Variants in ESRP1 observed in about 807,000 individuals in gnomAD.
ESRP1 encodes the protein epithelial splicing regulatory protein 1, also known as RNA-binding motif protein 35A.
A neutral mutation model predicts 81.7 loss-of-function variants in ESRP1; 33 were observed. That is an observed-to-expected ratio of 0.40 (90% confidence interval 0.31 to 0.54). The LOEUF is 0.54. ESRP1 is among the 20% of genes least tolerant of loss of function. The probability of loss-of-function intolerance (pLI) is 0.41; values close to 1 mark genes in which losing one functional copy is unlikely to be tolerated. For missense variants in ESRP1, 672 were observed against 833.1 expected (o/e 0.81, Z 2.38); for synonymous variants, 320 against 303.3 (o/e 1.06, Z -0.57).
At chr8:94,664,141 T>TTTTTTTTTTTTTTG (rs138058879) in intron 6 of ESRP1, among the ~76,000 whole-genome samples, 2 of 124,590 alleles carry the variant, frequency 1.6e-5, no homozygotes, top group African/African-American at 2.7e-5. Context: ...TTTTTTTTTT[T>TTTTTTTTTTTTTTG]GAGAGGGAGT....
At chr8:94,648,361 C>T (rs534911278) in intron 4 of ESRP1, among the ~76,000 whole-genome samples, 10 of 152,278 alleles carry the variant, frequency 6.6e-5, no homozygotes, top group Non-Finnish European at 1.5e-4. Flanking sequence ...TTCTTAGCAA[C>T]GGTTTTTATG....
chr8:94,652,290 C>A (rs114062492), intron 4 of ESRP1, among the ~76,000 whole-genome samples: 3,318 of 152,124 alleles, frequency 0.022, 92 homozygotes, highest in African/African-American at 0.071. Context: ...GCCTGGCCCT[C>A]AACACATTTC....
At chr8:94,670,950 A>C (rs1325808705) in intron 10 of ESRP1, among the ~76,000 whole-genome samples, 2 of 152,154 alleles carry the variant, frequency 1.3e-5, no homozygotes, top group East Asian at 3.8e-4. Flanking sequence ...TTGGCCTGTG[A>C]TTCTTTTACT....
chr8:94,647,445 T>C (rs1339834889), intron 4 of ESRP1, among the ~76,000 whole-genome samples: 3 of 152,210 alleles, frequency 2.0e-5, no homozygotes, highest in African/African-American at 2.4e-5. Flanking sequence ...AAATTTACTT[T>C]CTCACAGTTC....
At chr8:94,667,198 A>G (rs1819067897) in intron 9 of ESRP1, among the ~76,000 whole-genome samples, 1 of 149,062 alleles carries the variant, frequency 6.7e-6, no homozygotes, top group East Asian at 2.0e-4. Flanking sequence ...AGCCTAGGAG[A>G]CAGAGTGAAA....
chr8:94,668,071 A>G lies in ESRP1; in HGVS notation c.1054A>G (p.Ile352Val), dbSNP rs1156941847. Residue 352 changes from isoleucine to valine, a missense_variant, in exon 10 of 16, where the codon ATT becomes GTT. Transcript: ENST00000433389. ...VVAFFGQHCP[I>V]TGGKEGILFV... ...GGCCTTCTTTGGACAGCATTGCCCTATTACTGGGGGAAAGGAAGGCATCCT... is the reference window on the plus strand; with the variant it reads ...GGCCTTCTTTGGACAGCATTGCCCTGTTACTGGGGGAAAGGAAGGCATCCT... 1.2e-6 allele frequency: 2 copies of G among 1,613,960 alleles called. No individual in the cohort carries two copies. Among genetic ancestry groups the G allele is most frequent in the South Asian group, 1.1e-5 (1 of 91,082 alleles).
At chr8:94,650,595 A>G (rs1480261584) in intron 4 of ESRP1, among the ~76,000 whole-genome samples, 1 of 152,214 alleles carries the variant, frequency 6.6e-6, no homozygotes, top group Non-Finnish European at 1.5e-5. Context: ...TTATCCAAAC[A>G]TGGTTTGTTT....
At chr8:94,687,215 T>C (rs953225278) in intron 13 of ESRP1, among the ~76,000 whole-genome samples, 1 of 152,184 alleles carries the variant, frequency 6.6e-6, no homozygotes, top group African/African-American at 2.4e-5. Flanking sequence ...TCTATTTCTA[T>C]AGATTTTCCT....
At chr8:94,657,730 T>C (rs975525977) in intron 4 of ESRP1, among the ~76,000 whole-genome samples, 1 of 152,228 alleles carries the variant, frequency 6.6e-6, no homozygotes, top group African/African-American at 2.4e-5. Context: ...AGTCTATTTC[T>C]AACCAGGCAG....
chr8:94,705,961 A>G lies in ESRP1; in HGVS notation c.*72A>G. Reference sequence around the variant, plus strand: ...TGTATGGTGATCTTGAAACCTCCAGACACAAGAAAACTTCTAGCAAATTCA... The same window carrying G: ...TGTATGGTGATCTTGAAACCTCCAGGCACAAGAAAACTTCTAGCAAATTCA... On this transcript the variant is annotated 3_prime_UTR_variant, in exon 16 of 16. Transcript: ENST00000433389. The G allele has an allele frequency of 6.6e-7, 1 of 1,521,574 alleles. No homozygotes were observed. Among genetic ancestry groups the G allele is most frequent in the Non-Finnish European group, 8.8e-7 (1 of 1,139,128 alleles). The allele number at this position is 1,521,574 out of a possible 1,614,324, so 94.3% of individuals were successfully genotyped here.
intron 10 of ESRP1, 109 bp downstream of exon 10, chr8:94,668,359 A>G: frequency 9.2e-7 from 1 of 1,081,650 alleles, no homozygotes; most frequent in East Asian, 2.6e-5. Flanking sequence ...GCAAAATACT[A>G]AAAGTGTAAC....
At chr8:94,689,096 C>T (rs1809264888) in intron 13 of ESRP1, among the ~76,000 whole-genome samples, 1 of 151,946 alleles carries the variant, frequency 6.6e-6, no homozygotes, top group South Asian at 2.1e-4. Context: ...ACTAAAAATA[C>T]AAAAATTAGC....
At chr8:94,686,925 C>G (rs900309954) in intron 13 of ESRP1, among the ~76,000 whole-genome samples, 26 of 152,146 alleles carry the variant, frequency 1.7e-4, no homozygotes, top group Admixed American at 1.6e-3. Flanking sequence ...TGCCATAAAG[C>G]CTGTACACAT....
intron 13 of ESRP1, among the ~76,000 whole-genome samples, chr8:94,691,426 T>C (rs1171434535): frequency 6.6e-6 from 1 of 152,230 alleles, no homozygotes. Context: ...AATATGATGG[T>C]GACGGAAATA....
At chr8:94,701,594 CT>C (rs1809842222) in intron 15 of ESRP1, among the ~76,000 whole-genome samples, 1 of 151,460 alleles carries the variant, frequency 6.6e-6, no homozygotes, top group Admixed American at 6.6e-5. Context: ...TCTTCTTTTT[CT>C]TTTTCTTTTT....
chr8:94,650,167 A>G lies in ESRP1; in HGVS notation c.490+3885A>G, dbSNP rs139982229. On this transcript the variant is annotated intron_variant, in intron 4 of 15. Transcript: ENST00000433389. ...GTTTACTTTTGGTCTTGTACATTCT[A>G]TGGATTTTGACAAACGTATAATGAC... Among the ~76,000 whole-genome samples the G allele has an allele frequency of 3.3e-3, 502 of 152,320 alleles. 3 individuals are homozygous for G. The highest frequency in any genetic ancestry group is 0.011 in the African/African-American group (475 of 41,564).
chr8:94,692,631 A>G, intron 13 of ESRP1, 46 bp from the exon 14 acceptor site: 1 of 1,579,414 alleles, frequency 6.3e-7, no homozygotes, highest in Non-Finnish European at 8.6e-7. Context: ...GTAAGTATTC[A>G]ACATTGTCTA....
chr8:94,669,491 A>G (rs1819196245), intron 10 of ESRP1, among the ~76,000 whole-genome samples: 1 of 152,230 alleles, frequency 6.6e-6, no homozygotes, highest in Non-Finnish European at 1.5e-5. Context: ...TAAAATAAGT[A>G]TAATTGAAAT....
intron 13 of ESRP1, among the ~76,000 whole-genome samples, chr8:94,690,224 T>G (rs937614580): frequency 4.0e-5 from 6 of 151,364 alleles, no homozygotes; most frequent in Non-Finnish European, 8.8e-5. Context: ...GATCACCCAC[T>G]TTCATCTCCC....
Sources: gnomAD v4.1 joint callset for allele counts (sites outside exome capture counted in the v4.1 genomes callset) on GRCh38, gnomAD v4.1.1 for gene constraint, MANE v1.5 for transcripts, NCBI Gene and HGNC (gene_info 2026-07-23, HGNC 2026-07-21) for gene names.